Variants in CNTNAP3B observed in about 807,000 individuals in gnomAD.
CNTNAP3B encodes the protein contactin-associated protein-like 3B.
In CNTNAP3B, 25 loss-of-function variants were observed where a neutral mutation model predicts 108.9. That is an observed-to-expected ratio of 0.23 (90% CI 0.17 to 0.32). The LOEUF (loss-of-function observed/expected upper bound fraction) is 0.32, where lower values mean the gene tolerates loss of function less well. Among genes scored for constraint, CNTNAP3B ranks in the 10% least tolerant of loss-of-function variants. The probability of loss-of-function intolerance (pLI) is 1.00; values close to 1 mark genes in which losing one functional copy is unlikely to be tolerated. For synonymous variants in CNTNAP3B, 103 were observed against 473.4 expected (o/e 0.22, Z 10.16); for missense variants, 252 against 1,210.4 (o/e 0.21, Z 11.75).
chr9:42,061,323 T>C (rs1330218936), intron 3 of CNTNAP3B, among the ~76,000 whole-genome samples: 21 of 124,960 alleles, frequency 1.7e-4, no homozygotes, highest in East Asian at 1.2e-3. Context: ...TTTTCTTTTT[T>C]TTTTTTTTTT....
At chr9:42,041,348 G>A (rs1157232401) in intron 3 of CNTNAP3B, among the ~76,000 whole-genome samples, 2 of 150,448 alleles carry the variant, frequency 1.3e-5, no homozygotes, top group African/African-American at 5.0e-5. Context: ...TCTGACAAAG[G>A]GCTAATATCC....
At chr9:41,935,967 A>C (rs1824144306) in intron 14 of CNTNAP3B, among the ~76,000 whole-genome samples, 1 of 152,270 alleles carries the variant, frequency 6.6e-6, no homozygotes, top group Non-Finnish European at 1.5e-5. Flanking sequence ...AGGGTCACTC[A>C]ATACAGGTGG....
At chr9:41,971,249 T>TATATATA in intron 9 of CNTNAP3B, among the ~76,000 whole-genome samples, 1 of 108,132 alleles carries the variant, frequency 9.2e-6, no homozygotes, top group Admixed American at 9.5e-5. Flanking sequence ...CCCTCTTGAG[T>TATATATA]TACAATATAT....
At chr9:41,934,469 C>T (rs1186287999) in intron 14 of CNTNAP3B, among the ~76,000 whole-genome samples, 2 of 152,378 alleles carry the variant, frequency 1.3e-5, no homozygotes, top group African/African-American at 2.4e-5. Flanking sequence ...GATCTGCCCG[C>T]CTCGGCCTCC....
At chr9:41,939,975 C>T (rs1461975197) in intron 13 of CNTNAP3B, among the ~76,000 whole-genome samples, 1 of 152,222 alleles carries the variant, frequency 6.6e-6, no homozygotes, top group Non-Finnish European at 1.5e-5. Context: ...AATAACATAA[C>T]GTTTTAAAAA....
At chr9:42,010,489 G>T (rs1455326578) in intron 4 of CNTNAP3B, among the ~76,000 whole-genome samples, 1 of 138,674 alleles carries the variant, frequency 7.2e-6, no homozygotes, top group Admixed American at 7.2e-5. Flanking sequence ...GATTCTGGGA[G>T]TTCCCCTTTG....
At chr9:41,963,520 G>A (rs1489299876) in intron 11 of CNTNAP3B, among the ~76,000 whole-genome samples, 2 of 150,138 alleles carry the variant, frequency 1.3e-5, no homozygotes, top group Non-Finnish European at 3.0e-5. Context: ...GGCAGAGGCA[G>A]TTGAGAAGTG....
intron 3 of CNTNAP3B, among the ~76,000 whole-genome samples, chr9:42,019,711 A>G (rs1190933180): frequency 6.7e-6 from 1 of 148,920 alleles, no homozygotes; most frequent in Non-Finnish European, 1.5e-5. Context: ...CAGTGAGCCA[A>G]GATTGCACCA....
chr9:42,058,213 C>T (rs1827113853), intron 3 of CNTNAP3B, among the ~76,000 whole-genome samples: 1 of 151,818 alleles, frequency 6.6e-6, no homozygotes, highest in Admixed American at 6.6e-5. Flanking sequence ...GATTTAATTT[C>T]CTTTGGATAC....
At chr9:41,956,196 C>A (rs1464806027) in intron 12 of CNTNAP3B, among the ~76,000 whole-genome samples, 1 of 152,148 alleles carries the variant, frequency 6.6e-6, no homozygotes, top group African/African-American at 2.4e-5. Flanking sequence ...ACCATCCTGG[C>A]TAACATAGTA....
intron 8 of CNTNAP3B, among the ~76,000 whole-genome samples, chr9:41,989,948 G>A (rs763972263): frequency 0.1 from 12,342 of 119,178 alleles, 66 homozygotes; most frequent in Non-Finnish European, 0.16. Flanking sequence ...ATCACCAGGT[G>A]AATGTAAGAT....
At chr9:42,055,583 G>C (rs1169165832) in intron 3 of CNTNAP3B, among the ~76,000 whole-genome samples, 34 of 118,840 alleles carry the variant, frequency 2.9e-4, no homozygotes, top group Non-Finnish European at 2.7e-4. Context: ...TAGCATTGCT[G>C]CTTAACGTAA....
At chr9:42,085,504 A>C (rs1461166225) in intron 2 of CNTNAP3B, among the ~76,000 whole-genome samples, 1 of 139,730 alleles carries the variant, frequency 7.2e-6, no homozygotes, top group Non-Finnish European at 1.5e-5. Context: ...TTTATATATA[A>C]AGTTCCTTTT....
At position 41,923,698 on chromosome 9, in the gene CNTNAP3B, G is replaced by T. The variant is rs1208212856; in HGVS notation, c.2536+225C>A. Among the ~76,000 whole-genome samples, 7 of 152,414 alleles carry T rather than the reference G, an allele frequency of 4.6e-5. No individual in the cohort carries two copies. The South Asian group carries it at 1.0e-3, about 23-fold the overall frequency. ...AATTGCTTGAACCCAGGAGGCTGAG[G>T]TTGCAGTGAGCCAAGATAATGCCAC... is the stretch of plus-strand genomic sequence containing the variant. On this transcript the variant is annotated intron_variant, in intron 16 of 23. Coordinates refer to ENST00000377561, the MANE Select transcript of CNTNAP3B (RefSeq NM_001201380.3).
intron 10 of CNTNAP3B, among the ~76,000 whole-genome samples, chr9:41,969,290 A>T (rs1224010749): frequency 4.0e-5 from 6 of 150,496 alleles, no homozygotes; most frequent in African/African-American, 1.5e-4. Flanking sequence ...TTTGAATTAA[A>T]TGTTTTTCTT....
intron 14 of CNTNAP3B, among the ~76,000 whole-genome samples, chr9:41,934,183 A>G (rs1824079591): frequency 8.8e-6 from 1 of 113,444 alleles, no homozygotes; most frequent in African/African-American, 3.5e-5. Flanking sequence ...ATATACACAC[A>G]CACACATATA....
intron 1 of CNTNAP3B, among the ~76,000 whole-genome samples, chr9:42,125,238 A>G (rs987165306): frequency 1.4e-5 from 2 of 138,500 alleles, no homozygotes; most frequent in Non-Finnish European, 3.1e-5. Context: ...AATGCAGAAT[A>G]GTATTTAGTT....
At chr9:41,936,984 A>C (rs1824176117) in intron 14 of CNTNAP3B, among the ~76,000 whole-genome samples, 1 of 152,264 alleles carries the variant, frequency 6.6e-6, no homozygotes, top group Non-Finnish European at 1.5e-5. Context: ...ATGCCAAATA[A>C]ATAAGTGGAC....
chr9:41,935,754 T>G (rs1824138181), intron 14 of CNTNAP3B, among the ~76,000 whole-genome samples: 1 of 152,268 alleles, frequency 6.6e-6, no homozygotes, highest in South Asian at 2.1e-4. Context: ...AGCAAATGAC[T>G]CCACAATGCT....
Sources: gnomAD v4.1 joint callset for allele counts (sites outside exome capture counted in the v4.1 genomes callset) on GRCh38, gnomAD v4.1.1 for gene constraint, MANE v1.5 for transcripts, NCBI Gene and HGNC (gene_info 2026-07-23, HGNC 2026-07-21) for gene names.